The following ATRNL1 variants were observed in gnomAD, a reference collection of about 807,000 sequenced individuals.
ATRNL1 encodes the protein attractin like 1.
ATRNL1 carries 95 observed loss-of-function variants against 182.7 expected under a neutral mutation model. The observed-to-expected ratio is 0.52, with a 90% CI of 0.44 to 0.62. The LOEUF (loss-of-function observed/expected upper bound fraction) is 0.62. ATRNL1 is among the 20% of genes least tolerant of loss of function. The pLI, the probability that ATRNL1 is intolerant of heterozygous loss-of-function variation, is 0.00. For missense variants in ATRNL1, 1,471 were observed against 1,679.5 expected, an observed-to-expected ratio of 0.88 and a Z score of 2.17; for synonymous variants, 576 against 568.3, an observed-to-expected ratio of 1.01 and a Z score of -0.19.
At chr10:115,719,217 G>T (rs1319844703) in intron 26 of ATRNL1, among the ~76,000 whole-genome samples, 1 of 152,146 alleles carries the variant, frequency 6.6e-6, no homozygotes, top group Admixed American at 6.5e-5. Flanking sequence ...GGAGTTTCTT[G>T]ACAAGGCATT....
At chr10:115,757,670 G>C (rs1305294748) in intron 27 of ATRNL1, among the ~76,000 whole-genome samples, 1 of 152,086 alleles carries the variant, frequency 6.6e-6, no homozygotes, top group African/African-American at 2.4e-5. Flanking sequence ...TATCTTTGTG[G>C]TGTTCTCTGT....
intron 27 of ATRNL1, among the ~76,000 whole-genome samples, chr10:115,822,963 G>A (rs1322606537): frequency 6.6e-6 from 1 of 152,040 alleles, no homozygotes. Flanking sequence ...CCAAAACTTG[G>A]CAGAGACACA....
rs116487212 is a variant in ATRNL1, at chr10:115,360,988, A to G, written c.3175+26569A>G. Among the ~76,000 whole-genome samples, 673 of 151,992 alleles carry G rather than the reference A, an allele frequency of 4.4e-3. 4 individuals carry two copies. The highest frequency in any genetic ancestry group is 0.016 in the African/African-American group (649 of 41,528). ...GTATCAGGAGCCACATGCTGTCATC[A>G]TGCTCTTAATAGGGATGCTCACAAT... On this transcript the variant is annotated intron_variant, in intron 19 of 28. Transcript: ENST00000355044.
chr10:115,756,871 G>T (rs1157091505), intron 27 of ATRNL1, among the ~76,000 whole-genome samples: 1 of 152,114 alleles, frequency 6.6e-6, no homozygotes, highest in Non-Finnish European at 1.5e-5. Flanking sequence ...ATATATTTAG[G>T]ATAGTTAGCT....
intron 25 of ATRNL1, among the ~76,000 whole-genome samples, chr10:115,536,101 C>T (rs1199649942): frequency 1.3e-5 from 2 of 152,102 alleles, no homozygotes; most frequent in African/African-American, 2.4e-5. Context: ...GTTCTCAGAT[C>T]TCCAGCTGCG....
chr10:115,875,939 A>G (rs1280094840), intron 28 of ATRNL1, among the ~76,000 whole-genome samples: 6 of 152,336 alleles, frequency 3.9e-5, no homozygotes, highest in African/African-American at 1.2e-4. Context: ...ATGACTGGGA[A>G]TTAGCCAGGC....
At chr10:115,460,482 G>T (rs1847741123) in intron 21 of ATRNL1, among the ~76,000 whole-genome samples, 1 of 151,832 alleles carries the variant, frequency 6.6e-6, no homozygotes, top group Non-Finnish European at 1.5e-5. Flanking sequence ...AATCCTGTTT[G>T]CTGTACCTTC....
chr10:115,423,782 A>C (rs1437078354), intron 20 of ATRNL1, among the ~76,000 whole-genome samples: 3 of 152,192 alleles, frequency 2.0e-5, no homozygotes, highest in African/African-American at 7.2e-5. Context: ...AAATGGATTA[A>C]AGATTTAAAT....
chr10:115,280,327 G>C (rs1554916406), intron 13 of ATRNL1, among the ~76,000 whole-genome samples: 2 of 152,100 alleles, frequency 1.3e-5, no homozygotes, highest in African/African-American at 4.8e-5. Context: ...TACGTTGCCT[G>C]CAAAAGCTAT....
chr10:115,740,745 A>G (rs1043416690), intron 27 of ATRNL1, among the ~76,000 whole-genome samples: 5 of 151,934 alleles, frequency 3.3e-5, no homozygotes, highest in Admixed American at 6.6e-5. Flanking sequence ...ACCTCAAGTG[A>G]TCTACCTGCC....
chr10:115,747,952 GTC>G lies in ATRNL1; in HGVS notation c.3903+20599_3903+20600del, dbSNP rs563174984. 5.5e-4 allele frequency among the ~76,000 whole-genome samples: 84 copies of G among 152,154 alleles called. No individual in the cohort carries two copies. In the South Asian group the frequency reaches 0.015, roughly 27 times the overall value. ...AAGGACACTAATCTCATTCTTGAGA[GTC>G]TGGCTCTTATAACCTAATTACATCC... is the stretch of plus-strand genomic sequence containing the variant. On this transcript the variant is annotated intron_variant, in intron 27 of 28. Transcript: ENST00000355044.
At chr10:115,459,148 A>G (rs1554969245) in intron 21 of ATRNL1, among the ~76,000 whole-genome samples, 1 of 152,098 alleles carries the variant, frequency 6.6e-6, no homozygotes, top group Non-Finnish European at 1.5e-5. Flanking sequence ...CTGTCAGCTG[A>G]GAAGGATGTG....
intron 28 of ATRNL1, among the ~76,000 whole-genome samples, chr10:115,913,822 C>T (rs1437836085): frequency 6.6e-6 from 1 of 152,100 alleles, no homozygotes; most frequent in Non-Finnish European, 1.5e-5. Flanking sequence ...CAAACTGTGA[C>T]TGGGGACATC....
intron 26 of ATRNL1, among the ~76,000 whole-genome samples, chr10:115,712,992 C>A (rs180751659): frequency 3.3e-5 from 5 of 152,162 alleles, no homozygotes; most frequent in African/African-American, 1.2e-4. Flanking sequence ...TTATCCCAAC[C>A]CTAAATTGAG....
At chr10:115,149,615 A>G (rs151068545) in intron 5 of ATRNL1, among the ~76,000 whole-genome samples, 1 of 151,982 alleles carries the variant, frequency 6.6e-6, no homozygotes, top group African/African-American at 2.4e-5. Flanking sequence ...TTTGTTCTTC[A>G]TGTTGCTGAT....
intron 19 of ATRNL1, among the ~76,000 whole-genome samples, chr10:115,380,915 T>C (rs1652951716): frequency 6.6e-6 from 1 of 152,236 alleles, no homozygotes; most frequent in African/African-American, 2.4e-5. Flanking sequence ...GAAGTAGATT[T>C]GCTGGGTTAT....
intron 24 of ATRNL1, among the ~76,000 whole-genome samples, chr10:115,514,042 T>A (rs17724010): frequency 5.9e-5 from 9 of 151,794 alleles, no homozygotes; most frequent in Non-Finnish European, 1.2e-4. Flanking sequence ...ACTTTACCCA[T>A]ACACTTCATC....
At chr10:115,230,686 C>T (rs565743345) in intron 9 of ATRNL1, among the ~76,000 whole-genome samples, 1 of 152,024 alleles carries the variant, frequency 6.6e-6, no homozygotes, top group East Asian at 1.9e-4. Flanking sequence ...GTTGTAATTA[C>T]GATGCAAGAG....
intron 28 of ATRNL1, among the ~76,000 whole-genome samples, chr10:115,850,330 A>T (rs539781146): frequency 6.6e-6 from 1 of 152,324 alleles, no homozygotes; most frequent in African/African-American, 2.4e-5. Context: ...CACTGCAAGA[A>T]AAAAGGCAGT....
Sources: gnomAD v4.1 joint callset for allele counts (sites outside exome capture counted in the v4.1 genomes callset) on GRCh38, gnomAD v4.1.1 for gene constraint, MANE v1.5 for transcripts, NCBI Gene and HGNC (gene_info 2026-07-23, HGNC 2026-07-21) for gene names.